Variants in YPEL1 observed in about 807,000 individuals in gnomAD.
The protein encoded by YPEL1 is protein yippee-like 1.
A neutral mutation model predicts 17.3 loss-of-function variants in YPEL1; 7 were observed. That is an observed-to-expected ratio of 0.40 (90% CI 0.23 to 0.76). YPEL1 has a LOEUF of 0.76. YPEL1 is among the 30% of genes least tolerant of loss of function. The probability of loss-of-function intolerance (pLI) is 0.35; values close to 1 mark genes in which losing one functional copy is unlikely to be tolerated. For missense variants in YPEL1, 91 were observed against 155.5 expected (o/e 0.59, Z 2.21); for synonymous variants, 59 against 59.6 (o/e 0.99, Z 0.05).
chr22:21,708,178 G>A (rs566497851), intron 2 of YPEL1, among the ~76,000 whole-genome samples: 1 of 152,062 alleles, frequency 6.6e-6, no homozygotes, highest in East Asian at 1.9e-4. Flanking sequence ...CACTCTAGTC[G>A]TCATCTTGCC....
chr22:21,733,967 C>T (rs2068413104), intron 1 of YPEL1, among the ~76,000 whole-genome samples: 1 of 152,110 alleles, frequency 6.6e-6, no homozygotes, highest in South Asian at 2.1e-4. Context: ...GTAATCCCAA[C>T]ACTTCAGGAG....
chr22:21,721,247 G>C (rs903806148), intron 1 of YPEL1, among the ~76,000 whole-genome samples: 1 of 151,716 alleles, frequency 6.6e-6, no homozygotes, highest in Non-Finnish European at 1.5e-5. Flanking sequence ...TGAGTAGCTG[G>C]GATTACAGGC....
At chr22:21,704,969 G>C (rs2068102339) in intron 2 of YPEL1, among the ~76,000 whole-genome samples, 1 of 152,026 alleles carries the variant, frequency 6.6e-6, no homozygotes, top group African/African-American at 2.4e-5. Context: ...AAATTTTGGG[G>C]GGAGTTGGGG....
At chr22:21,712,374 A>AAAAG (rs1431576073) in intron 1 of YPEL1, among the ~76,000 whole-genome samples, 1 of 151,082 alleles carries the variant, frequency 6.6e-6, no homozygotes, top group Non-Finnish European at 1.5e-5. Flanking sequence ...ATGTAAAAAA[A>AAAAG]AAAAAAAAAA....
intron 1 of YPEL1, among the ~76,000 whole-genome samples, chr22:21,715,419 G>A (rs572004720): frequency 5.7e-4 from 86 of 151,606 alleles, no homozygotes; most frequent in African/African-American, 1.8e-3. Flanking sequence ...ACTTGAACCC[G>A]GGAGGCGGAG....
At chr22:21,733,223 G>C (rs2068405215) in intron 1 of YPEL1, among the ~76,000 whole-genome samples, 1 of 152,010 alleles carries the variant, frequency 6.6e-6, no homozygotes, top group South Asian at 2.1e-4. Flanking sequence ...TTTGAGACCA[G>C]CCTGGGCAAC....
chr22:21,721,129 G>T lies in YPEL1; in HGVS notation c.-164-10221C>A, dbSNP rs909274472. Among the ~76,000 whole-genome samples the T allele has an allele frequency of 3.3e-5, 5 of 149,836 alleles. No homozygotes were observed. In the South Asian group the frequency reaches 6.3e-4, roughly 19 times the overall value. ...CCTGGCCAACATTTTGGGTTTTTTGGGGGGGGGAGGGGAGGACAGAGTCTC... is the reference window on the plus strand; with the variant it reads ...CCTGGCCAACATTTTGGGTTTTTTGTGGGGGGGAGGGGAGGACAGAGTCTC... On this transcript the variant is annotated intron_variant, in intron 1 of 4. Transcript: ENST00000339468.
At chr22:21,712,557 T>C (rs567751977) in intron 1 of YPEL1, among the ~76,000 whole-genome samples, 11 of 151,606 alleles carry the variant, frequency 7.3e-5, no homozygotes, top group Admixed American at 2.6e-4. Flanking sequence ...AAACCCCGTC[T>C]CTACTAAAAA....
At chr22:21,718,246 G>A (rs2068247242) in intron 1 of YPEL1, among the ~76,000 whole-genome samples, 1 of 151,958 alleles carries the variant, frequency 6.6e-6, no homozygotes, top group South Asian at 2.1e-4. Context: ...GGTGGATCAT[G>A]AGGTCAGGAG....
chr22:21,723,823 G>A (rs959967500), intron 1 of YPEL1, among the ~76,000 whole-genome samples: 9 of 150,796 alleles, frequency 6.0e-5, no homozygotes, highest in South Asian at 2.1e-4. Flanking sequence ...ACGTCATCAC[G>A]CCCAGCTGAT....
intron 1 of YPEL1, among the ~76,000 whole-genome samples, chr22:21,711,149 A>C (rs1439800685): frequency 2.0e-5 from 3 of 151,632 alleles, no homozygotes; most frequent in African/African-American, 7.3e-5. Context: ...TCAGCCTCTG[A>C]GTAGCTGGGA....
intron 1 of YPEL1, among the ~76,000 whole-genome samples, chr22:21,734,032 T>C (rs1037929834): frequency 6.6e-6 from 1 of 152,180 alleles, no homozygotes; most frequent in Admixed American, 6.5e-5. Context: ...CTGGGAAACA[T>C]TAAGTGAGAC....
chr22:21,727,033 A>G (rs1214861021), intron 1 of YPEL1, among the ~76,000 whole-genome samples: 1 of 151,652 alleles, frequency 6.6e-6, no homozygotes, highest in African/African-American at 2.4e-5. Flanking sequence ...TTATTTGGAG[A>G]CCTTCATTAT....
chr22:21,718,063 C>G (rs1032915200), intron 1 of YPEL1, among the ~76,000 whole-genome samples: 8 of 147,924 alleles, frequency 5.4e-5, no homozygotes, highest in African/African-American at 1.0e-4. Context: ...CCCAAGGGGT[C>G]GAGGCTGCAA....
At chr22:21,729,232 G>A (rs1217051037) in intron 1 of YPEL1, among the ~76,000 whole-genome samples, 1 of 152,028 alleles carries the variant, frequency 6.6e-6, no homozygotes, top group African/African-American at 2.4e-5. Flanking sequence ...AATCACTTAG[G>A]CCCAGGAGGG....
At chr22:21,715,364 T>G (rs942070664) in intron 1 of YPEL1, among the ~76,000 whole-genome samples, 1 of 151,346 alleles carries the variant, frequency 6.6e-6, no homozygotes, top group Non-Finnish European at 1.5e-5. Context: ...CGTGGTGGCG[T>G]GCGCCTGTAG....
chr22:21,708,331 CTTTT>C (rs775485136), intron 2 of YPEL1, among the ~76,000 whole-genome samples: 373 of 102,114 alleles, frequency 3.7e-3, no homozygotes, highest in African/African-American at 0.014. Context: ...AGGCTTCTGC[CTTTT>C]TTTTTTTTTT....
At chr22:21,723,003 A>AC (rs2068298847) in intron 1 of YPEL1, 2 of 151,466 alleles carry the variant, frequency 1.3e-5, no homozygotes, top group South Asian at 4.2e-4. Context: ...AGGCCTGTTC[A>AC]CCCCTCTTTA....
chr22:21,710,348 TGTGA>T (rs2068152432), intron 2 of YPEL1: 6 of 492,994 alleles, frequency 1.2e-5, no homozygotes, highest in South Asian at 7.8e-5. Flanking sequence ...GGCTTTCTGC[TGTGA>T]GTAACAAGTG....
Sources: allele counts gnomAD v4.1 joint callset (sites outside exome capture counted in the v4.1 genomes callset), GRCh38; gene constraint gnomAD v4.1.1; transcripts MANE v1.5; gene names NCBI Gene and HGNC (gene_info 2026-07-23, HGNC 2026-07-21).